MALRD1: variants seen among roughly 807,000 people sequenced by gnomAD.
MALRD1 encodes the protein MAM and LDL-receptor class A domain-containing protein 1.
In MALRD1, 247 loss-of-function variants were observed where a neutral mutation model predicts 242.1. The ratio of observed to expected loss-of-function variants is 1.02; its 90% CI spans 0.92 to 1.13. The LOEUF is 1.13. Ranked by LOEUF, MALRD1 falls within the 50% of genes most tolerant of loss-of-function variation. The pLI, the probability that MALRD1 is intolerant of heterozygous loss-of-function variation, is 0.00. For synonymous variants in MALRD1, 995 were observed against 866.6 expected (o/e 1.15, Z -2.60); for missense variants, 2,989 against 2,533.1 (o/e 1.18, Z -3.86).
At chr10:19,357,873 A>G (rs895633067) in intron 26 of MALRD1, among the ~76,000 whole-genome samples, 14 of 152,116 alleles carry the variant, frequency 9.2e-5, no homozygotes, top group Non-Finnish European at 7.4e-5. Flanking sequence ...AAAAATGTAT[A>G]TATTTAGGAA....
At chr10:19,283,277 A>C (rs931436266) in intron 21 of MALRD1, 96 bp downstream of exon 21, 4 of 1,025,134 alleles carry the variant, frequency 3.9e-6, no homozygotes, top group Non-Finnish European at 5.1e-6. Context: ...GGCCAATGCT[A>C]CTGTAAAGAC....
intron 34 of MALRD1, among the ~76,000 whole-genome samples, chr10:19,599,750 G>C (rs192445485): frequency 1.3e-5 from 2 of 152,244 alleles, no homozygotes; most frequent in Non-Finnish European, 2.9e-5. Flanking sequence ...GAGTGTGAGA[G>C]GAGGTTCAGT....
At chr10:19,098,612 A>C (rs964475809) in intron 4 of MALRD1, among the ~76,000 whole-genome samples, 8 of 152,190 alleles carry the variant, frequency 5.3e-5, no homozygotes, top group Non-Finnish European at 1.2e-4. Flanking sequence ...AATGTATACT[A>C]CTAATTAAGA....
chr10:19,503,970 A>G (rs1356413422), intron 31 of MALRD1, among the ~76,000 whole-genome samples: 2 of 152,216 alleles, frequency 1.3e-5, no homozygotes, highest in African/African-American at 4.8e-5. Flanking sequence ...AGAGCATACA[A>G]GCTTACTATC....
intron 18 of MALRD1, among the ~76,000 whole-genome samples, chr10:19,237,865 A>C (rs1381960893): frequency 9.9e-6 from 1 of 101,426 alleles, no homozygotes; most frequent in East Asian, 3.9e-4. Context: ...ATATATAATT[A>C]TATAGAATTT....
chr10:19,064,357 C>T (rs1374113899), intron 1 of MALRD1, among the ~76,000 whole-genome samples: 3 of 152,086 alleles, frequency 2.0e-5, no homozygotes, highest in African/African-American at 7.2e-5. Context: ...GGATGTGTGG[C>T]ATATGGAGTT....
chr10:19,178,590 G>C (rs879934302), intron 14 of MALRD1, among the ~76,000 whole-genome samples: 49 of 152,162 alleles, frequency 3.2e-4, no homozygotes, highest in African/African-American at 1.1e-3. Context: ...GATGAAAATC[G>C]CAAGTGCTAC....
chr10:19,611,809 C>G (rs570539553), intron 35 of MALRD1, among the ~76,000 whole-genome samples: 82 of 152,096 alleles, frequency 5.4e-4, no homozygotes, highest in Admixed American at 1.6e-3. Context: ...GAACCTGGGT[C>G]TAAAGTAGAA....
rs544293751 is a variant in MALRD1 at position 19,060,904 on chromosome 10, A to T, written c.200-5815A>T. On this transcript the variant is annotated intron_variant, in intron 1 of 39. Transcript: ENST00000454679. ...CAGCCTAAATGCCCATCAATGACAG[A>T]CTGGATTAAGAAAATGTGAAATACT... Among the ~76,000 whole-genome samples, 14 of 152,316 alleles carry T rather than the reference A, an allele frequency of 9.2e-5. No homozygotes were observed. In the South Asian group the frequency reaches 2.7e-3, roughly 29 times the overall value.
intron 19 of MALRD1, among the ~76,000 whole-genome samples, chr10:19,269,821 A>G (rs767110645): frequency 2.4e-4 from 36 of 152,162 alleles, no homozygotes; most frequent in Non-Finnish European, 4.9e-4. Context: ...AGAATTATGA[A>G]CTCTTAAAAT....
chr10:19,184,602 G>A (rs932667418), intron 14 of MALRD1, among the ~76,000 whole-genome samples: 1 of 152,144 alleles, frequency 6.6e-6, no homozygotes, highest in African/African-American at 2.4e-5. Flanking sequence ...AGGCTGGGGT[G>A]CAGTGGTGCG....
intron 4 of MALRD1, among the ~76,000 whole-genome samples, chr10:19,102,428 T>G (rs1168218357): frequency 2.6e-5 from 4 of 152,100 alleles, no homozygotes. Flanking sequence ...TGTTTCTCAG[T>G]GGACTTTTAA....
At chr10:19,466,593 G>T (rs1279925020) in intron 29 of MALRD1, among the ~76,000 whole-genome samples, 2 of 152,176 alleles carry the variant, frequency 1.3e-5, no homozygotes, top group African/African-American at 4.8e-5. Context: ...CTCTCTCCAC[G>T]GCTTGAAGAT....
At chr10:19,293,501 C>T (rs189981202) in intron 21 of MALRD1, among the ~76,000 whole-genome samples, 1 of 152,068 alleles carries the variant, frequency 6.6e-6, no homozygotes, top group African/African-American at 2.4e-5. Flanking sequence ...TTGTTGTGCG[C>T]AAGTAAATTA....
chr10:19,481,356 A>T (rs1029109705), intron 29 of MALRD1, among the ~76,000 whole-genome samples: 2 of 152,200 alleles, frequency 1.3e-5, no homozygotes, highest in Non-Finnish European at 2.9e-5. Context: ...TTTGAACTTA[A>T]GATAGACTTA....
chr10:19,483,395 A>T (rs1453218186), intron 29 of MALRD1, among the ~76,000 whole-genome samples: 1 of 152,144 alleles, frequency 6.6e-6, no homozygotes, highest in African/African-American at 2.4e-5. Flanking sequence ...GAAAACATTC[A>T]TACTGTGCAT....
intron 21 of MALRD1, among the ~76,000 whole-genome samples, chr10:19,294,488 C>A (rs1005711337): frequency 2.6e-5 from 4 of 152,140 alleles, no homozygotes; most frequent in African/African-American, 7.2e-5. Context: ...ATTGTATTGA[C>A]TAGGCATACC....
intron 36 of MALRD1, among the ~76,000 whole-genome samples, chr10:19,639,990 C>G (rs1840311069): frequency 6.6e-6 from 1 of 152,162 alleles, no homozygotes; most frequent in Admixed American, 6.5e-5. Context: ...TGGGTCAAGT[C>G]ACTTTCTTTC....
At chr10:19,245,553 A>G (rs1182854944) in intron 18 of MALRD1, among the ~76,000 whole-genome samples, 1 of 152,174 alleles carries the variant, frequency 6.6e-6, no homozygotes, top group Non-Finnish European at 1.5e-5. Flanking sequence ...TTTTATTTGC[A>G]TGTATGTGAA....
Sources: allele counts gnomAD v4.1 joint callset (sites outside exome capture counted in the v4.1 genomes callset), GRCh38; gene constraint gnomAD v4.1.1; transcripts MANE v1.5; gene names NCBI Gene and HGNC (gene_info 2026-07-23, HGNC 2026-07-21).